The following ST8SIA3 variants were observed in gnomAD, a reference collection of about 807,000 sequenced individuals.
ST8SIA3 encodes the protein alpha-N-acetylneuraminate alpha-2,8-sialyltransferase ST8SIA3.
ST8SIA3 carries 17 observed loss-of-function variants against 34.5 expected under a neutral mutation model. The ratio of observed to expected loss-of-function variants is 0.49; its 90% CI spans 0.34 to 0.74. ST8SIA3 has a LOEUF of 0.74. ST8SIA3 is among the 30% of genes least tolerant of loss of function. ST8SIA3 has a pLI of 0.01. For synonymous variants in ST8SIA3, 172 were observed against 176.1 expected, an observed-to-expected ratio of 0.98 and a Z score of 0.19; for missense variants, 354 against 467.8, an observed-to-expected ratio of 0.76 and a Z score of 2.24.
chr18:57,356,909 T>G lies in ST8SIA3; in HGVS notation c.303-4T>G. 1 of 1,563,312 alleles carries G rather than the reference T, an allele frequency of 6.4e-7. No individual in the cohort carries two copies. The highest frequency in any genetic ancestry group is 8.7e-7 in the Non-Finnish European group (1 of 1,147,872). On this transcript the variant is annotated splice_polypyrimidine_tract_variant and splice_region_variant and intron_variant, in intron 2 of 3. Transcript: ENST00000324000. ...TGCTTTTCATGAATTTCTTTTTATTTTAGGCAAGAAATTCTTCAGCATGTC... is the reference window on the plus strand; with the variant it reads ...TGCTTTTCATGAATTTCTTTTTATTGTAGGCAAGAAATTCTTCAGCATGTC...
rs183774606 is a variant in ST8SIA3 at position 57,359,337 on chromosome 18, T to G, written c.861-658T>G. ...ATGTATCTTACACACTTTCTGAATT[T>G]AAAAAATTTAGCATGCCAGATTGTG... On this transcript the variant is annotated intron_variant, in intron 3 of 3. Transcript: ENST00000324000. Among the ~76,000 whole-genome samples the G allele has an allele frequency of 9.9e-5, 15 of 152,278 alleles. No individual in the cohort carries two copies. The East Asian group carries it at 2.7e-3, about 27-fold the overall frequency.
chr18:57,354,489 G>A lies in ST8SIA3; in HGVS notation c.267G>A (p.Lys89=), dbSNP rs2049786798. ...LTQELQEKPS[K]WKFNRTAFLH... is the part of the protein sequence containing the mutation. ...AGGAACTCCAAGAGAAACCTTCTAA[G>A]TGGAAATTTAATCGGACAGCGTTTT... Residue 89 remains lysine (K), a synonymous_variant, in exon 2 of 4, where the codon AAG becomes AAA. Coordinates refer to ENST00000324000, the MANE Select transcript of ST8SIA3 (RefSeq NM_015879.3). The A allele has an allele frequency of 1.2e-6, 2 of 1,614,096 alleles. No individual in the cohort carries two copies.
rs1374753863 is a variant in ST8SIA3, at chr18:57,357,331, G to T, written c.721G>T (p.Ala241Ser). ...CCTCAGTTTAAAAAAGCTTGACGGGGCCATTCTTTGGATCCCTGCATTTTT... is the reference window on the plus strand; with the variant it reads ...CCTCAGTTTAAAAAAGCTTGACGGGTCCATTCTTTGGATCCCTGCATTTTT... ...FFLSLKKLDG[A>S]ILWIPAFFFH... The change falls in exon 3 of 4, where the codon GCC becomes TCC. Residue 241 changes from alanine to serine, a missense_variant. Ala to Ser is a moderately conservative substitution (Grantham distance 99). This residue lies in a region of ST8SIA3 where 166 missense variants were observed against 245.2 expected (regional missense o/e 0.68). Coordinates refer to ENST00000324000, the MANE Select transcript of ST8SIA3 (RefSeq NM_015879.3). The T allele has an allele frequency of 2.5e-6, 4 of 1,613,612 alleles. No homozygotes were observed. In the African/African-American group the frequency reaches 4.0e-5, roughly 16 times the overall value.
At position 57,364,151 on chromosome 18, in the gene ST8SIA3, G is replaced by A. The variant is rs768374146; in HGVS notation, c.*3874G>A. On this transcript the variant is annotated 3_prime_UTR_variant, in exon 4 of 4. Transcript: ENST00000324000. Reference sequence around the variant, plus strand: ...CCCTGAGATGAAACAAAACACGCTTGGTAAATCATGATTTGATAAATAACA... The same window carrying A: ...CCCTGAGATGAAACAAAACACGCTTAGTAAATCATGATTTGATAAATAACA... The A allele has an allele frequency of 6.6e-6, 1 of 152,104 alleles. No homozygotes were observed. Among genetic ancestry groups the A allele is most frequent in the Non-Finnish European group, 1.5e-5 (1 of 68,028 alleles). The allele number at this position is 152,104 out of a possible 1,614,324, so 9.4% of individuals were successfully genotyped here. A position where few individuals can be genotyped will look rare whatever the true frequency, so the allele number is the denominator to read the frequency against.
In ST8SIA3 at chr18:57,363,590, G is replaced by C. The variant is rs1409729027; in HGVS notation, c.*3313G>C. 6.6e-6 allele frequency: 1 copy of C among 152,208 alleles called. No homozygotes were observed. The highest frequency in any genetic ancestry group is 2.4e-5 in the African/African-American group (1 of 41,440). The allele number at this position is 152,208 out of a possible 1,614,324, so 9.4% of individuals were successfully genotyped here. On this transcript the variant is annotated 3_prime_UTR_variant, in exon 4 of 4. Transcript: ENST00000324000. ...CCCTGCCCTCAGCTTCCTTATGCCC[G>C]AGCCACTACTTATCCGTGAATGTGA...
rs1318561529 is a variant in ST8SIA3, at chr18:57,361,533, A to G, written c.*1256A>G. On this transcript the variant is annotated 3_prime_UTR_variant, in exon 4 of 4. Coordinates refer to ENST00000324000, the MANE Select transcript of ST8SIA3 (RefSeq NM_015879.3). ...AGATCTATACAACTACAAATTAAGCATTTCAAAAGAAAAAGCCATTGTGCA... is the reference window on the plus strand; with the variant it reads ...AGATCTATACAACTACAAATTAAGCGTTTCAAAAGAAAAAGCCATTGTGCA... 1 of 152,662 alleles carries G rather than the reference A, an allele frequency of 6.6e-6. No individual in the cohort carries two copies. The highest frequency in any genetic ancestry group is 1.5e-5 in the Non-Finnish European group (1 of 68,050). 9.5% of individuals were successfully genotyped at this position (152,662 alleles called of 1,614,324 possible).
chr18:57,358,893 CAG>C (rs1402826321), intron 3 of ST8SIA3, among the ~76,000 whole-genome samples: 3 of 152,186 alleles, frequency 2.0e-5, no homozygotes, highest in Non-Finnish European at 2.9e-5. Context: ...AAAGGGTTGT[CAG>C]AGTCATTCTA....
chr18:57,354,643 C>G (rs1250724485), intron 2 of ST8SIA3, 119 bp downstream of exon 2: 7 of 1,198,094 alleles, frequency 5.8e-6, no homozygotes, highest in Admixed American at 2.2e-5. Context: ...ACGCCCCACC[C>G]TCACCATCAG....
chr18:57,357,139 G>C lies in ST8SIA3; in HGVS notation c.529G>C (p.Gly177Arg), dbSNP rs1402515866. 9.3e-6 allele frequency: 15 copies of C among 1,613,910 alleles called. No individual in the cohort carries two copies. The Admixed American group carries it at 2.5e-4, about 27-fold the overall frequency. The change falls in exon 3 of 4, where the codon GGA becomes CGA. Residue 177 changes from glycine to arginine, a missense_variant. Gly to Arg is a moderately radical substitution (Grantham distance 125, BLOSUM62 -2). Around this residue, in one of 3 missense-constraint regions of ST8SIA3, gnomAD observed 166 missense variants for 245.2 expected, o/e 0.68. Transcript: ENST00000324000. ...NSGILTGSQC[G>R]QEIDKSDFVF... ...TGGGATCCTGACAGGGAGCCAGTGT[G>C]GACAAGAAATAGATAAATCAGATTT...
rs1315453244 is a variant in ST8SIA3, at chr18:57,357,847, T to C, written c.860+377T>C. ...GCTAAATTAGAGACAAATCAAGTGG[T>C]TTTTCTTTTTAGAAACGATGCAGTT... On this transcript the variant is annotated intron_variant, in intron 3 of 3. Coordinates refer to ENST00000324000, the MANE Select transcript of ST8SIA3 (RefSeq NM_015879.3). 3.3e-5 allele frequency among the ~76,000 whole-genome samples: 5 copies of C among 152,210 alleles called. No homozygotes were observed. In the East Asian group the frequency reaches 5.8e-4, roughly 18 times the overall value.
rs2049846349 is a variant in ST8SIA3, at chr18:57,363,868, G to A, written c.*3591G>A. ...CAGGGAGGCTAGGTGATTTGCCCCA[G>A]ATGACACTGTCAATTAGTGGAGAAA... On this transcript the variant is annotated 3_prime_UTR_variant, in exon 4 of 4. Transcript: ENST00000324000. 6.6e-6 allele frequency: 1 copy of A among 152,184 alleles called. No homozygotes were observed. The highest frequency in any genetic ancestry group is 2.4e-5 in the African/African-American group (1 of 41,436). The allele number at this position is 152,184 out of a possible 1,614,324, so 9.4% of individuals were successfully genotyped here. A position where few individuals can be genotyped will look rare whatever the true frequency, so the allele number is the denominator to read the frequency against.
Position 57,360,855 on chromosome 18 carries a change from T to C in ST8SIA3, c.*578T>C, listed in dbSNP as rs144607366. The C allele has an allele frequency of 6.5e-6, 1 of 153,936 alleles. No individual in the cohort carries two copies. The highest frequency in any genetic ancestry group is 2.4e-5 in the African/African-American group (1 of 41,580). 9.5% of individuals were successfully genotyped at this position (153,936 alleles called of 1,614,324 possible). ...AATCCTATTGAATTCGCTTTGCTTG[T>C]ATATGTTGCATTTGTACTTGATGTG... On this transcript the variant is annotated 3_prime_UTR_variant, in exon 4 of 4. Transcript: ENST00000324000.
chr18:57,358,882 G>A (rs1489673011), intron 3 of ST8SIA3, among the ~76,000 whole-genome samples: 1 of 152,138 alleles, frequency 6.6e-6, no homozygotes, highest in Non-Finnish European at 1.5e-5. Context: ...TGTCTATACC[G>A]AAAGGGTTGT....
At position 57,360,971 on chromosome 18, in the gene ST8SIA3, T is replaced by G. The variant is rs1312015438; in HGVS notation, c.*694T>G. 1.3e-5 allele frequency: 2 copies of G among 152,494 alleles called. No individual in the cohort carries two copies. Among genetic ancestry groups the G allele is most frequent in the African/African-American group, 4.8e-5 (2 of 41,464 alleles). The allele number at this position is 152,494 out of a possible 1,614,324, so 9.4% of individuals were successfully genotyped here. A position where few individuals can be genotyped will look rare whatever the true frequency, so the allele number is the denominator to read the frequency against. The stretch of plus-strand genomic sequence containing the variant: ...GATTCCTTTTTTAAAGAAATGCCTC[T>G]GATGCAGTCCTCACCAGTCCATTCA... On this transcript the variant is annotated 3_prime_UTR_variant, in exon 4 of 4. Transcript: ENST00000324000.
At position 57,367,725 on chromosome 18, in the gene ST8SIA3, T is replaced by A. The variant is rs1443051437; in HGVS notation, c.*7448T>A. 3 of 152,544 alleles carry A rather than the reference T, an allele frequency of 2.0e-5. No individual in the cohort carries two copies. Among genetic ancestry groups the A allele is most frequent in the African/African-American group, 4.8e-5 (2 of 41,466 alleles). 9.4% of individuals were successfully genotyped at this position (152,544 alleles called of 1,614,324 possible). A position where few individuals can be genotyped will look rare whatever the true frequency, so the allele number is the denominator to read the frequency against. On this transcript the variant is annotated 3_prime_UTR_variant, in exon 4 of 4. Transcript: ENST00000324000. ...CCCTCTGAAGGAATCTAGACCATTT[T>A]TTAATATGGAGAATAACTGTACCCC...
At chr18:57,353,355 A>G (rs1182507553) in intron 1 of ST8SIA3, among the ~76,000 whole-genome samples, 2 of 151,246 alleles carry the variant, frequency 1.3e-5, no homozygotes, top group East Asian at 3.9e-4. Context: ...TTTGTTCGGG[A>G]GGGGGCGGCG....
intron 2 of ST8SIA3, among the ~76,000 whole-genome samples, chr18:57,355,447 G>A (rs12606507): frequency 6.6e-6 from 1 of 152,036 alleles, no homozygotes; most frequent in Non-Finnish European, 1.5e-5. Flanking sequence ...TCTATGGGCA[G>A]AATTAAAACA....
chr18:57,360,329 A>G lies in ST8SIA3; in HGVS notation c.*52A>G. Reference sequence around the variant, plus strand: ...GCTGTTTAAAAAGTGCCCCAAATCAAATTGAATAGCCTTCAGAATAGAACC... The same window carrying G: ...GCTGTTTAAAAAGTGCCCCAAATCAGATTGAATAGCCTTCAGAATAGAACC... On this transcript the variant is annotated 3_prime_UTR_variant, in exon 4 of 4. Transcript: ENST00000324000. 1 of 1,538,324 alleles carries G rather than the reference A, an allele frequency of 6.5e-7. No individual in the cohort carries two copies. The highest frequency in any genetic ancestry group is 8.9e-7 in the Non-Finnish European group (1 of 1,127,070).
rs1307774683 is a variant in ST8SIA3, at chr18:57,364,420, A to G, written c.*4143A>G. The G allele has an allele frequency of 6.6e-6, 1 of 152,264 alleles. No homozygotes were observed. The highest frequency in any genetic ancestry group is 6.5e-5 in the Admixed American group (1 of 15,288). 9.4% of individuals were successfully genotyped at this position (152,264 alleles called of 1,614,324 possible). On this transcript the variant is annotated 3_prime_UTR_variant, in exon 4 of 4. Coordinates refer to ENST00000324000, the MANE Select transcript of ST8SIA3 (RefSeq NM_015879.3). ...ATTGTGTTTGGTTCAATATGCTAAG[A>G]AGATATACAAATAATAATAACTTCG...
Sources: gnomAD v4.1 joint callset for allele counts (sites outside exome capture counted in the v4.1 genomes callset) on GRCh38, gnomAD v4.1.1 for gene constraint, gnomAD v4.1.1 regional missense constraint, MANE v1.5 for transcripts, NCBI Gene and HGNC (gene_info 2026-07-23, HGNC 2026-07-21) for gene names.